The following WWP2 variants were observed in gnomAD, a reference collection of about 807,000 sequenced individuals.
The protein encoded by WWP2 is NEDD4-like E3 ubiquitin-protein ligase WWP2.
A neutral mutation model predicts 121.0 loss-of-function variants in WWP2; 57 were observed. The ratio of observed to expected loss-of-function variants is 0.47; its 90% confidence interval spans 0.38 to 0.59. The LOEUF is 0.59. Among genes scored for constraint, WWP2 ranks in the 20% least tolerant of loss-of-function variants. The probability of loss-of-function intolerance (pLI) is 0.00; values close to 1 mark genes in which losing one functional copy is unlikely to be tolerated. For synonymous variants in WWP2, 449 were observed against 441.3 expected, an observed-to-expected ratio of 1.02 and a Z score of -0.22; for missense variants, 962 against 1,158.9, an observed-to-expected ratio of 0.83 and a Z score of 2.47.
At chr16:69,921,286 A>T (rs1038452327) in intron 10 of WWP2, among the ~76,000 whole-genome samples, 1 of 152,108 alleles carries the variant, frequency 6.6e-6, no homozygotes, top group Non-Finnish European at 1.5e-5. Context: ...GGTTGCTTTC[A>T]TATAGTTATT....
chr16:69,863,156 GT>G (rs574404792), intron 6 of WWP2, among the ~76,000 whole-genome samples: 1 of 152,100 alleles, frequency 6.6e-6, no homozygotes, highest in Admixed American at 6.6e-5. Context: ...CATTCTTGCT[GT>G]TTTTTTGACC....
In WWP2 at chr16:69,936,399, G is replaced by A. The variant is rs746861829; in HGVS notation, c.2064G>A (p.Lys688=). The A allele has an allele frequency of 1.1e-5, 17 of 1,614,124 alleles. No homozygotes were observed. The highest frequency in any genetic ancestry group is 4.0e-5 in the African/African-American group (3 of 75,042). ...GCAAGGTGACGACCCACGAGCTGAA[G>A]GAGGGCGGCGAGAGCATCCGGGTCA... is the stretch of plus-strand genomic sequence containing the variant. The part of the protein sequence containing the change: ...ILGKVTTHEL[K]EGGESIRVTE... Residue 688 remains lysine, a synonymous_variant, in exon 19 of 24, where the codon AAG becomes AAA. Coordinates refer to ENST00000359154, the MANE Select transcript of WWP2 (RefSeq NM_001270454.2).
At chr16:69,892,438 A>C (rs2058043544) in intron 8 of WWP2, among the ~76,000 whole-genome samples, 1 of 151,686 alleles carries the variant, frequency 6.6e-6, no homozygotes. Context: ...AACAACTCTC[A>C]AATCTGCCCA....
intron 19 of WWP2, chr16:69,936,893 CAGG>C: frequency 5.4e-6 from 3 of 558,274 alleles, no homozygotes; most frequent in Non-Finnish European, 9.3e-6. Flanking sequence ...GGGGCAGGAG[CAGG>C]AGGAGGTGGT....
intron 8 of WWP2, among the ~76,000 whole-genome samples, chr16:69,899,333 G>A (rs1374305413): frequency 3.9e-5 from 6 of 151,910 alleles, no homozygotes; most frequent in African/African-American, 1.5e-4. Flanking sequence ...AGCATAGTGA[G>A]ATACCCATCT....
At chr16:69,853,809 A>G (rs868200384) in intron 6 of WWP2, among the ~76,000 whole-genome samples, 11 of 152,316 alleles carry the variant, frequency 7.2e-5, no homozygotes, top group South Asian at 6.2e-4. Context: ...GTACTCCCAG[A>G]TTCCTCTACT....
chr16:69,866,062 A>G (rs993928790), intron 6 of WWP2, among the ~76,000 whole-genome samples: 1 of 152,148 alleles, frequency 6.6e-6, no homozygotes, highest in Non-Finnish European at 1.5e-5. Flanking sequence ...GCATCTCATC[A>G]TGGCTGGGAA....
chr16:69,891,342 A>G (rs557620652), intron 8 of WWP2, among the ~76,000 whole-genome samples: 6 of 152,198 alleles, frequency 3.9e-5, no homozygotes, highest in Non-Finnish European at 8.8e-5. Flanking sequence ...TCTAATTCCA[A>G]TACCAACAAA....
At chr16:69,866,960 C>T (rs1041265918) in intron 6 of WWP2, among the ~76,000 whole-genome samples, 2 of 152,034 alleles carry the variant, frequency 1.3e-5, no homozygotes, top group Non-Finnish European at 2.9e-5. Flanking sequence ...GCCTCAGGCT[C>T]CTGAGTAGCT....
chr16:69,776,838 A>T (rs557592879), intron 1 of WWP2, among the ~76,000 whole-genome samples: 7 of 152,022 alleles, frequency 4.6e-5, no homozygotes, highest in African/African-American at 1.7e-4. Context: ...CGAAAAAAAA[A>T]AAATAAAAAA....
chr16:69,824,115 C>A (rs2056641129), intron 4 of WWP2, among the ~76,000 whole-genome samples: 1 of 152,260 alleles, frequency 6.6e-6, no homozygotes, highest in Non-Finnish European at 1.5e-5. Context: ...CCGCACCAGT[C>A]ATTCGGGCGG....
At chr16:69,897,579 AT>A (rs1190185395) in intron 8 of WWP2, among the ~76,000 whole-genome samples, 1 of 152,102 alleles carries the variant, frequency 6.6e-6, no homozygotes, top group Non-Finnish European at 1.5e-5. Flanking sequence ...ACAGATAAAA[AT>A]TTATCCATTT....
At chr16:69,773,701 C>G (rs1445293668) in intron 1 of WWP2, among the ~76,000 whole-genome samples, 1 of 151,938 alleles carries the variant, frequency 6.6e-6, no homozygotes, top group Non-Finnish European at 1.5e-5. Context: ...AGACTGGTCT[C>G]GAATTCCTGG....
In WWP2 at chr16:69,876,943, A is replaced by G. The variant is rs143830543; in HGVS notation, c.703+5012A>G. Among the ~76,000 whole-genome samples the G allele has an allele frequency of 2.2e-3, 334 of 152,272 alleles. 2 individuals are homozygous for G. The highest frequency in any genetic ancestry group is 5.6e-3 in the South Asian group (27 of 4,828). On this transcript the variant is annotated intron_variant, in intron 7 of 23. Transcript: ENST00000359154. Reference sequence around the variant, plus strand: ...TGATCCAGGCTTTGTTGCTCCATTTATAAAACACAAGCAGAGTAGATTTAG... The same window carrying G: ...TGATCCAGGCTTTGTTGCTCCATTTGTAAAACACAAGCAGAGTAGATTTAG...
chr16:69,884,840 A>G (rs1390836732), intron 7 of WWP2, among the ~76,000 whole-genome samples: 1 of 152,208 alleles, frequency 6.6e-6, no homozygotes, highest in Non-Finnish European at 1.5e-5. Context: ...GAAGCCAAAT[A>G]GTTGATATGG....
intron 4 of WWP2, among the ~76,000 whole-genome samples, chr16:69,807,315 G>A (rs970685209): frequency 9.2e-5 from 14 of 152,228 alleles, no homozygotes; most frequent in African/African-American, 3.1e-4. Flanking sequence ...GATTACAGGC[G>A]TGAGCCACCG....
At chr16:69,928,755 G>GA (rs1597174881) in intron 11 of WWP2, among the ~76,000 whole-genome samples, 1 of 151,390 alleles carries the variant, frequency 6.6e-6, no homozygotes, top group Non-Finnish European at 1.5e-5. Flanking sequence ...ATATAAAAAA[G>GA]AAAAAAAAGA....
chr16:69,902,512 G>A (rs2058220690), intron 8 of WWP2, among the ~76,000 whole-genome samples: 1 of 152,130 alleles, frequency 6.6e-6, no homozygotes, highest in Admixed American at 6.5e-5. Flanking sequence ...GCAATGTGTT[G>A]GGTAGGGACT....
At chr16:69,848,637 T>TA (rs529487746) in intron 6 of WWP2, among the ~76,000 whole-genome samples, 10,941 of 81,778 alleles carry the variant, frequency 0.13, 719 homozygotes, top group Non-Finnish European at 0.17. Flanking sequence ...ATGCTGTTGC[T>TA]AAAAAAAAAA....
Sources: gnomAD v4.1 joint callset for allele counts (sites outside exome capture counted in the v4.1 genomes callset) on GRCh38, gnomAD v4.1.1 for gene constraint, MANE v1.5 for transcripts, NCBI Gene and HGNC (gene_info 2026-07-23, HGNC 2026-07-21) for gene names.